Variants in DMRT1 observed in about 807,000 individuals in gnomAD.
DMRT1 encodes the protein doublesex- and mab-3-related transcription factor 1.
A neutral mutation model predicts 32.3 loss-of-function variants in DMRT1; 7 were observed. That is an observed-to-expected ratio of 0.22 (90% CI 0.12 to 0.41). DMRT1 has a LOEUF of 0.41. Ranked by LOEUF, DMRT1 falls within the 10% of genes least tolerant of loss-of-function variation. The pLI is 1.00. For missense variants in DMRT1, 625 were observed against 500.5 expected, an observed-to-expected ratio of 1.25 and a Z score of -2.37; for synonymous variants, 278 against 206.1, an observed-to-expected ratio of 1.35 and a Z score of -2.99.
At chr9:864,892 T>C (rs1815910258) in intron 2 of DMRT1, among the ~76,000 whole-genome samples, 1 of 152,196 alleles carries the variant, frequency 6.6e-6, no homozygotes, top group Non-Finnish European at 1.5e-5. Context: ...AACCATTTCA[T>C]AGTTATGGTT....
chr9:933,831 A>C (rs374485301), intron 4 of DMRT1, among the ~76,000 whole-genome samples: 1 of 152,300 alleles, frequency 6.6e-6, no homozygotes, highest in South Asian at 2.1e-4. Flanking sequence ...AGGAAAGGAC[A>C]TTGCAGGGTT....
At chr9:941,201 G>A (rs78072049) in intron 4 of DMRT1, among the ~76,000 whole-genome samples, 3,427 of 152,192 alleles carry the variant, frequency 0.023, 129 homozygotes, top group African/African-American at 0.078. Context: ...AGTGAAAGCA[G>A]GGTCCAGAGA....
chr9:954,606 TTTTG>T (rs1484490117), intron 4 of DMRT1, among the ~76,000 whole-genome samples: 1 of 149,790 alleles, frequency 6.7e-6, no homozygotes, highest in African/African-American at 2.5e-5. Context: ...GTTCAGTTTT[TTTTG>T]TTTGTTTTTT....
chr9:851,462 C>T (rs538873741), intron 2 of DMRT1, among the ~76,000 whole-genome samples: 7 of 152,248 alleles, frequency 4.6e-5, no homozygotes, highest in African/African-American at 9.6e-5. Flanking sequence ...TGGTCTCAAA[C>T]TCCTGACCTC....
chr9:935,370 T>C (rs1219493375), intron 4 of DMRT1, among the ~76,000 whole-genome samples: 1 of 152,236 alleles, frequency 6.6e-6, no homozygotes, highest in Non-Finnish European at 1.5e-5. Context: ...AATCACCTCT[T>C]AATGTTTACA....
intron 2 of DMRT1, among the ~76,000 whole-genome samples, chr9:886,873 A>G (rs759525698): frequency 6.6e-6 from 1 of 152,142 alleles, no homozygotes; most frequent in African/African-American, 2.4e-5. Flanking sequence ...GGCTGGACAG[A>G]TGGTAGGTAT....
At chr9:842,341 TCTC>T (rs1405492732) in intron 1 of DMRT1, 149 bp downstream of exon 1, 23 of 1,032,130 alleles carry the variant, frequency 2.2e-5, no homozygotes, top group East Asian at 2.1e-4. Context: ...TTCAAGCAAT[TCTC>T]CTGCCTCAGC....
At chr9:939,718 A>G (rs947400647) in intron 4 of DMRT1, among the ~76,000 whole-genome samples, 7 of 152,230 alleles carry the variant, frequency 4.6e-5, no homozygotes, top group African/African-American at 1.7e-4. Context: ...GAAAAGTCAA[A>G]TAATGTAGGA....
At chr9:876,933 G>A (rs10977247) in intron 2 of DMRT1, among the ~76,000 whole-genome samples, 46,141 of 121,100 alleles carry the variant, frequency 0.38, 8,849 homozygotes, top group Admixed American at 0.45. Flanking sequence ...GGCTGCCTCA[G>A]CCATGGTCCC....
chr9:955,209 C>T (rs191053420), intron 4 of DMRT1, among the ~76,000 whole-genome samples: 1 of 152,016 alleles, frequency 6.6e-6, no homozygotes, highest in Non-Finnish European at 1.5e-5. Flanking sequence ...GTCCAGTGCT[C>T]CTGAGAGAGG....
chr9:941,515 T>A (rs1040285177), intron 4 of DMRT1, among the ~76,000 whole-genome samples: 1 of 152,054 alleles, frequency 6.6e-6, no homozygotes, highest in African/African-American at 2.4e-5. Context: ...AGTGGAGTAG[T>A]GGTTGCTGGG....
rs564817198 is a variant in DMRT1 at position 962,219 on chromosome 9, G to C, written c.968-5766G>C. ...GTCAGTAAAAGTGAGTCAGCCCCTC[G>C]TGTGCACGCTTGCTCACCTCTGAGA... On this transcript the variant is annotated intron_variant, in intron 4 of 4. Coordinates refer to ENST00000382276, the MANE Select transcript of DMRT1 (RefSeq NM_021951.3). 3.4e-4 allele frequency among the ~76,000 whole-genome samples: 52 copies of C among 152,282 alleles called. 1 individual carries two copies. The South Asian group carries it at 0.01, about 30-fold the overall frequency.
intron 3 of DMRT1, among the ~76,000 whole-genome samples, chr9:902,776 A>G (rs2129685439): frequency 6.6e-6 from 1 of 152,264 alleles, no homozygotes; most frequent in Admixed American, 6.5e-5. Context: ...GGTGTGAGCC[A>G]CCATGCCCAG....
At chr9:856,199 G>C (rs1815394047) in intron 2 of DMRT1, among the ~76,000 whole-genome samples, 2 of 152,166 alleles carry the variant, frequency 1.3e-5, no homozygotes, top group African/African-American at 4.8e-5. Flanking sequence ...TTACAGGTGT[G>C]AGCCACCGCG....
At chr9:950,210 G>C (rs76739351) in intron 4 of DMRT1, among the ~76,000 whole-genome samples, 3 of 152,006 alleles carry the variant, frequency 2.0e-5, no homozygotes, top group Non-Finnish European at 4.4e-5. Context: ...CTGCAACTCA[G>C]TTGATGCCTT....
At chr9:929,114 C>G (rs927588481) in intron 4 of DMRT1, among the ~76,000 whole-genome samples, 1 of 152,166 alleles carries the variant, frequency 6.6e-6, no homozygotes, top group East Asian at 1.9e-4. Flanking sequence ...GTTAGGATTA[C>G]AGGCATGAGC....
intron 2 of DMRT1, among the ~76,000 whole-genome samples, chr9:857,680 G>T (rs1370597348): frequency 6.6e-6 from 1 of 151,734 alleles, no homozygotes; most frequent in African/African-American, 2.4e-5. Flanking sequence ...CAACGTGCAG[G>T]TTAGTTACAT....
At chr9:926,686 GTAGAGAGAGAGA>G (rs761932872) in intron 4 of DMRT1, among the ~76,000 whole-genome samples, 7 of 148,992 alleles carry the variant, frequency 4.7e-5, no homozygotes, top group Non-Finnish European at 8.9e-5. Flanking sequence ...GAAGACACAG[GTAGAGAGAGAGA>G]GAGAGAGAGA....
chr9:888,192 G>A (rs1817004819), intron 2 of DMRT1, among the ~76,000 whole-genome samples: 1 of 152,170 alleles, frequency 6.6e-6, no homozygotes, highest in African/African-American at 2.4e-5. Flanking sequence ...CTGGATGTAA[G>A]CCATGAAACT....
Sources: gnomAD v4.1 joint callset for allele counts (sites outside exome capture counted in the v4.1 genomes callset) on GRCh38, gnomAD v4.1.1 for gene constraint, MANE v1.5 for transcripts, NCBI Gene and HGNC (gene_info 2026-07-23, HGNC 2026-07-21) for gene names.